HDAC9: variants seen among roughly 807,000 people sequenced by gnomAD.
HDAC9 encodes MEF-2 interacting transcription repressor (MITR) protein.
HDAC9 carries 41 observed loss-of-function variants against 139.4 expected under a neutral mutation model. That is an observed-to-expected ratio of 0.29 (90% CI 0.23 to 0.38). HDAC9 has a LOEUF of 0.38. Among genes scored for constraint, HDAC9 ranks in the 10% least tolerant of loss-of-function variants. The probability of loss-of-function intolerance (pLI) is 1.00; values close to 1 mark genes in which losing one functional copy is unlikely to be tolerated. For missense variants in HDAC9, 1,147 were observed against 1,297.0 expected (o/e 0.88, Z 1.78); for synonymous variants, 517 against 476.2 (o/e 1.09, Z -1.12).
At chr7:18,493,643 A>G (rs549767860), upstream of HDAC9, among the ~76,000 whole-genome samples, 7 of 152,080 alleles carry the variant, frequency 4.6e-5, no homozygotes, top group Non-Finnish European at 1.0e-4. Flanking sequence ...ATAGATTTGT[A>G]GCTTGATTAT....
At chr7:18,967,584 T>G (rs1369475594) in intron 24 of HDAC9, among the ~76,000 whole-genome samples, 1 of 146,222 alleles carries the variant, frequency 6.8e-6, no homozygotes, top group Non-Finnish European at 1.5e-5. Context: ...GATAATAAAA[T>G]CATTTGGTTT....
At chr7:18,830,335 G>C (rs180785333) in intron 19 of HDAC9, among the ~76,000 whole-genome samples, 43 of 152,296 alleles carry the variant, frequency 2.8e-4, no homozygotes, top group African/African-American at 9.9e-4. Context: ...GTAATAGGTT[G>C]TCTGACAAAG....
rs189883785 is a variant in HDAC9, at chr7:18,370,519, T to C, written c.-42+80004T>C. 8.5e-5 allele frequency among the ~76,000 whole-genome samples: 13 copies of C among 152,316 alleles called. No individual in the cohort carries two copies. The East Asian group carries it at 1.9e-3, about 23-fold the overall frequency. On this transcript the variant is annotated intron_variant, in intron 1 of 3. Transcript: ENST00000413509. ...TTAATTTAATTCTCTACCTCAAGTA[T>C]ATATGCATAAAACCATATTTCTTTG...
intron 13 of HDAC9, among the ~76,000 whole-genome samples, chr7:18,730,216 G>T (rs967662778): frequency 2.0e-5 from 3 of 152,282 alleles, no homozygotes; most frequent in Non-Finnish European, 2.9e-5. Flanking sequence ...CTAAGGAAAT[G>T]AAATGCACCA....
chr7:18,394,089 T>C (rs928938310), intron 1 of HDAC9, among the ~76,000 whole-genome samples: 4 of 152,156 alleles, frequency 2.6e-5, no homozygotes, highest in Non-Finnish European at 5.9e-5. Flanking sequence ...TACCTCCCTA[T>C]TAAAAGTGAG....
At chr7:18,694,442 T>C (rs12669789) in intron 12 of HDAC9, among the ~76,000 whole-genome samples, 18,383 of 152,138 alleles carry the variant, frequency 0.12, 1,461 homozygotes, top group East Asian at 0.3. Context: ...ATGAGATAAA[T>C]GGCTAAATGG....
At chr7:18,729,614 A>G (rs1159558321) in intron 13 of HDAC9, among the ~76,000 whole-genome samples, 8 of 152,226 alleles carry the variant, frequency 5.3e-5, no homozygotes, top group South Asian at 2.1e-4. Context: ...ACCCAGCAAC[A>G]TAAACAGGAC....
chr7:18,857,084 T>G (rs977872283), intron 21 of HDAC9, among the ~76,000 whole-genome samples: 9 of 152,222 alleles, frequency 5.9e-5, no homozygotes, highest in Non-Finnish European at 1.0e-4. Flanking sequence ...TCAACTTCAT[T>G]TAAATTTTTA....
At chr7:18,748,883 C>T (rs900511909) in intron 13 of HDAC9, 122 bp from the exon 14 acceptor site, 8 of 934,460 alleles carry the variant, frequency 8.6e-6, no homozygotes, top group Non-Finnish European at 1.1e-5. Flanking sequence ...TGTGATATTT[C>T]CTCCTTTGTT....
intron 1 of HDAC9, among the ~76,000 whole-genome samples, chr7:18,451,054 G>A (rs949739662): frequency 2.0e-5 from 3 of 152,252 alleles, no homozygotes; most frequent in Admixed American, 1.3e-4. Flanking sequence ...TCACCATTGT[G>A]GTGGTATTAA....
intron 2 of HDAC9, among the ~76,000 whole-genome samples, chr7:18,174,034 A>C (rs575061025): frequency 1.3e-5 from 2 of 152,148 alleles, no homozygotes; most frequent in African/African-American, 2.4e-5. Context: ...TAATATCCTG[A>C]AGAGTGTTTT....
intron 1 of HDAC9, among the ~76,000 whole-genome samples, chr7:18,487,141 G>T (rs545806934): frequency 6.6e-6 from 1 of 152,018 alleles, no homozygotes; most frequent in African/African-American, 2.4e-5. Flanking sequence ...GCTTATAAAA[G>T]AGAGTGATGC....
At chr7:18,934,215 T>C (rs550158594) in intron 22 of HDAC9, among the ~76,000 whole-genome samples, 24 of 152,092 alleles carry the variant, frequency 1.6e-4, no homozygotes, top group African/African-American at 5.5e-4. Context: ...ACTAAAAATA[T>C]TCTTCAAAGT....
At chr7:18,892,061 T>A (rs1305232078) in intron 22 of HDAC9, 3 of 152,004 alleles carry the variant, frequency 2.0e-5, no homozygotes, top group Non-Finnish European at 4.4e-5. Flanking sequence ...CATGTAACAA[T>A]CAAGAAAAGA....
chr7:18,509,661 G>C (rs1800865288), intron 2 of HDAC9, among the ~76,000 whole-genome samples: 1 of 152,076 alleles, frequency 6.6e-6, no homozygotes, highest in Non-Finnish European at 1.5e-5. Flanking sequence ...TCTCTTACAA[G>C]CCCAATGCAA....
At chr7:18,572,491 A>G (rs1026288667) in intron 2 of HDAC9, among the ~76,000 whole-genome samples, 1 of 151,894 alleles carries the variant, frequency 6.6e-6, no homozygotes, top group Non-Finnish European at 1.5e-5. Context: ...GTAGAAAAAA[A>G]TACGGGAAAG....
intron 12 of HDAC9, among the ~76,000 whole-genome samples, chr7:18,689,919 G>T (rs1307444300): frequency 6.6e-6 from 1 of 151,984 alleles, no homozygotes; most frequent in East Asian, 1.9e-4. Context: ...TATAAGTCAG[G>T]ACACAAATTC....
At chr7:18,343,598 A>T (rs967319667) in intron 1 of HDAC9, among the ~76,000 whole-genome samples, 18 of 151,886 alleles carry the variant, frequency 1.2e-4, no homozygotes, top group African/African-American at 4.3e-4. Context: ...GCATATTTTT[A>T]TATTAAAGAA....
chr7:18,766,113 T>A (rs1465153992), intron 15 of HDAC9, among the ~76,000 whole-genome samples: 2 of 152,214 alleles, frequency 1.3e-5, no homozygotes, highest in Non-Finnish European at 2.9e-5. Context: ...AATTTCTCAT[T>A]TCATTGAGCA....
Sources: allele counts gnomAD v4.1 joint callset (sites outside exome capture counted in the v4.1 genomes callset), GRCh38; gene constraint gnomAD v4.1.1; transcripts MANE v1.5; gene names NCBI Gene and HGNC (gene_info 2026-07-23, HGNC 2026-07-21).